KCNJ3: variants seen among roughly 807,000 people sequenced by gnomAD.
KCNJ3 encodes the protein G protein-activated inward rectifier potassium channel 1.
KCNJ3 carries 4 observed loss-of-function variants against 39.2 expected under a neutral mutation model. That is an observed-to-expected ratio of 0.10 (90% CI 0.05 to 0.23). KCNJ3 has a LOEUF of 0.23. Among genes scored for constraint, KCNJ3 ranks in the 10% least tolerant of loss-of-function variants. KCNJ3 has a pLI of 1.00. For missense variants in KCNJ3, 276 were observed against 634.9 expected (o/e 0.43, Z 6.08); for synonymous variants, 230 against 237.4 (o/e 0.97, Z 0.29).
At chr2:154,753,715 A>ACT (rs5835538) in intron 2 of KCNJ3, among the ~76,000 whole-genome samples, 122,074 of 151,888 alleles carry the variant, frequency 0.8, 49,738 homozygotes, top group East Asian at 0.89. Flanking sequence ...GGAAGGGCTG[A>ACT]CTGTGGCATT....
chr2:154,785,341 C>T (rs1166413257), intron 2 of KCNJ3, among the ~76,000 whole-genome samples: 1 of 152,196 alleles, frequency 6.6e-6, no homozygotes, highest in African/African-American at 2.4e-5. Context: ...TCCTGCCTTA[C>T]AGATGGCCAT....
At chr2:154,784,032 T>C (rs532459228) in intron 2 of KCNJ3, among the ~76,000 whole-genome samples, 1 of 152,306 alleles carries the variant, frequency 6.6e-6, no homozygotes, top group East Asian at 1.9e-4. Context: ...AGTTAAAATT[T>C]CTTGCTGGGT....
chr2:154,827,583 C>T (rs2105115803), intron 2 of KCNJ3, among the ~76,000 whole-genome samples: 1 of 152,134 alleles, frequency 6.6e-6, no homozygotes, highest in Non-Finnish European at 1.5e-5. Flanking sequence ...ACACAATTTA[C>T]AACAGACTCT....
chr2:154,821,635 A>ATTTTTTTTT lies in KCNJ3; in HGVS notation c.920-33076_920-33068dup, dbSNP rs71422263. Among the ~76,000 whole-genome samples, 85 of 88,072 alleles carry ATTTTTTTTT rather than the reference A, an allele frequency of 9.7e-4. 6 individuals carry two copies. Among genetic ancestry groups the ATTTTTTTTT allele is most frequent in the Non-Finnish European group, 1.2e-3 (56 of 48,156 alleles). The allele number at this position is 88,072 out of a possible 152,430, so 57.8% of individuals were successfully genotyped here. On this transcript the variant is annotated intron_variant, in intron 2 of 2. Transcript: ENST00000295101. Reference sequence around the variant, plus strand: ...CAAAAAAAGAAAAAGAGAATATGTGATTTTTTTTTTTTTTTTTTTTTTTTG... The same window carrying ATTTTTTTTT: ...CAAAAAAAGAAAAAGAGAATATGTGATTTTTTTTTTTTTTTTTTTTTTTTTTTTTTTTTG...
intron 2 of KCNJ3, among the ~76,000 whole-genome samples, chr2:154,752,109 TC>T (rs1217047190): frequency 4.6e-5 from 7 of 152,048 alleles, no homozygotes; most frequent in African/African-American, 1.7e-4. Flanking sequence ...CAAAGTAATT[TC>T]CTTTTATACA....
intron 2 of KCNJ3, among the ~76,000 whole-genome samples, chr2:154,713,756 A>G (rs1366880277): frequency 6.6e-6 from 1 of 152,166 alleles, no homozygotes; most frequent in Non-Finnish European, 1.5e-5. Context: ...CTCCCAGGAG[A>G]GAGAGCACTG....
At chr2:154,830,065 G>T (rs939238845) in intron 2 of KCNJ3, among the ~76,000 whole-genome samples, 2 of 152,104 alleles carry the variant, frequency 1.3e-5, no homozygotes, top group African/African-American at 4.8e-5. Flanking sequence ...TGTACAGAAA[G>T]TTCATCTGGA....
chr2:154,775,732 A>G (rs1446990835), intron 2 of KCNJ3, among the ~76,000 whole-genome samples: 3 of 152,176 alleles, frequency 2.0e-5, no homozygotes, highest in African/African-American at 7.2e-5. Context: ...TTGGGGGTTT[A>G]TAGAAGTTCT....
intron 2 of KCNJ3, among the ~76,000 whole-genome samples, chr2:154,714,087 G>T (rs890141202): frequency 1.3e-5 from 2 of 152,036 alleles, no homozygotes; most frequent in South Asian, 4.1e-4. Context: ...GTGGAGAAAA[G>T]TATCTATTCT....
chr2:154,790,107 T>C (rs1381081167), intron 2 of KCNJ3, among the ~76,000 whole-genome samples: 1 of 152,070 alleles, frequency 6.6e-6, no homozygotes, highest in Non-Finnish European at 1.5e-5. Context: ...TACTTCTTTG[T>C]CGTGACAGAT....
At chr2:154,823,821 A>G (rs1220154794) in intron 2 of KCNJ3, among the ~76,000 whole-genome samples, 1 of 152,074 alleles carries the variant, frequency 6.6e-6, no homozygotes, top group African/African-American at 2.4e-5. Context: ...GAAGACTGTG[A>G]TGTCCATGGA....
chr2:154,816,154 T>TA (rs1299951594), intron 2 of KCNJ3, among the ~76,000 whole-genome samples: 1 of 152,294 alleles, frequency 6.6e-6, no homozygotes, highest in South Asian at 2.1e-4. Flanking sequence ...AGAACATTCT[T>TA]AAATACAAAG....
intron 2 of KCNJ3, among the ~76,000 whole-genome samples, chr2:154,831,598 T>G (rs1687365174): frequency 6.6e-6 from 1 of 152,106 alleles, no homozygotes. Context: ...GATGTGTCAT[T>G]GAGGGAAAAC....
intron 2 of KCNJ3, among the ~76,000 whole-genome samples, chr2:154,722,740 A>G (rs1685285113): frequency 6.6e-6 from 1 of 152,186 alleles, no homozygotes; most frequent in Non-Finnish European, 1.5e-5. Context: ...AGTGTAAAAT[A>G]GGGCAAAACT....
At position 154,699,669 on chromosome 2, in the gene KCNJ3, A is replaced by G. The variant is rs1684852957; in HGVS notation, c.702+192A>G. Reference sequence around the variant, plus strand: ...TGACAGTTCTGTTCCTTTTCCACTCACTCTCGTGCTCTTGTTTATATTCGT... The same window carrying G: ...TGACAGTTCTGTTCCTTTTCCACTCGCTCTCGTGCTCTTGTTTATATTCGT... On this transcript the variant is annotated intron_variant, in intron 1 of 2. Coordinates refer to ENST00000295101, the MANE Select transcript of KCNJ3 (RefSeq NM_002239.4). The surrounding 1 kb of genome is among the most constrained non-coding windows in gnomAD (Gnocchi z 6.4). The G allele has an allele frequency of 3.2e-6, 1 of 315,820 alleles. No individual in the cohort carries two copies. Among genetic ancestry groups the G allele is most frequent in the African/African-American group, 2.3e-5 (1 of 43,970 alleles). 19.6% of individuals were successfully genotyped at this position (315,820 alleles called of 1,614,324 possible).
At chr2:154,776,631 T>C (rs1385073772) in intron 2 of KCNJ3, among the ~76,000 whole-genome samples, 1 of 152,160 alleles carries the variant, frequency 6.6e-6, no homozygotes, top group Non-Finnish European at 1.5e-5. Context: ...ATCTCTAGAA[T>C]ATAATTCAGT....
chr2:154,826,044 T>C (rs1445649), intron 2 of KCNJ3, among the ~76,000 whole-genome samples: 68,783 of 151,918 alleles, frequency 0.45, 16,712 homozygotes, highest in Non-Finnish European at 0.55. Flanking sequence ...AACAAATCCT[T>C]GATAATACTT....
intron 2 of KCNJ3, among the ~76,000 whole-genome samples, chr2:154,830,532 T>G (rs1687345156): frequency 6.6e-6 from 1 of 152,212 alleles, no homozygotes. Flanking sequence ...AAACTTAATG[T>G]ATTTAATCTT....
At chr2:154,729,939 G>GC (rs1685422590) in intron 2 of KCNJ3, among the ~76,000 whole-genome samples, 3 of 151,996 alleles carry the variant, frequency 2.0e-5, no homozygotes, top group Admixed American at 2.0e-4. Context: ...AGGCAGTCAG[G>GC]CTGATCCATT....
Sources: allele counts gnomAD v4.1 joint callset (sites outside exome capture counted in the v4.1 genomes callset), GRCh38; gene constraint gnomAD v4.1.1; non-coding constraint Gnocchi (gnomAD v3.1); transcripts MANE v1.5; gene names NCBI Gene and HGNC (gene_info 2026-07-23, HGNC 2026-07-21).